Variants in TNC observed in about 807,000 individuals in gnomAD.
TNC encodes tenascin C, also known as tenascin.
In TNC, 109 loss-of-function variants were observed where a neutral mutation model predicts 202.4. That is an observed-to-expected ratio of 0.54 (90% CI 0.46 to 0.63). The LOEUF (loss-of-function observed/expected upper bound fraction) is 0.63, where lower values mean the gene tolerates loss of function less well. TNC is among the 30% of genes least tolerant of loss of function. TNC has a pLI of 0.00. For synonymous variants in TNC, 1,007 were observed against 1,089.7 expected (o/e 0.92, Z 1.50); for missense variants, 2,756 against 2,833.3 (o/e 0.97, Z 0.62).
chr9:115,047,781 T>G (rs192056351), intron 16 of TNC, among the ~76,000 whole-genome samples: 1 of 152,328 alleles, frequency 6.6e-6, no homozygotes, highest in African/African-American at 2.4e-5. Flanking sequence ...TCTCTGATAT[T>G]AGTGATTACC....
intron 6 of TNC, among the ~76,000 whole-genome samples, chr9:115,079,226 C>T (rs1446367245): frequency 6.6e-6 from 1 of 150,666 alleles, no homozygotes. Flanking sequence ...TTCTTCTTCT[C>T]CTTTTTTTTT....
At chr9:115,107,123 T>C (rs1352322473) in intron 1 of TNC, among the ~76,000 whole-genome samples, 25 of 152,152 alleles carry the variant, frequency 1.6e-4, no homozygotes, top group Admixed American at 1.6e-3. Flanking sequence ...TATGATAATA[T>C]CCACCTTGTT....
At chr9:115,096,159 C>T (rs1433431122) in intron 1 of TNC, among the ~76,000 whole-genome samples, 1 of 152,076 alleles carries the variant, frequency 6.6e-6, no homozygotes, top group Admixed American at 6.5e-5. Context: ...TATCTCCATC[C>T]CTGTCAATGT....
At position 115,063,004 on chromosome 9, in the gene TNC, G is replaced by A; in HGVS notation, c.3946C>T (p.Leu1316Phe). 6.2e-7 allele frequency: 1 copy of A among 1,614,110 alleles called. No individual in the cohort carries two copies. Among genetic ancestry groups the A allele is most frequent in the Middle Eastern group, 1.6e-4 (1 of 6,062 alleles). The change falls in exon 13 of 28, where the codon CTC (leucine) becomes TTC (phenylalanine). Residue 1316 changes from leucine to phenylalanine, a missense_variant. Leu to Phe is a conservative substitution (Grantham distance 22, BLOSUM62 0). Coordinates refer to ENST00000350763, the MANE Select transcript of TNC (RefSeq NM_002160.4). ...GSLRSMEIPG[L>F]RAGTPYTVTL... The stretch of plus-strand genomic sequence containing the variant: ...ACTGTGTAAGGAGTGCCAGCCCTGA[G>A]GCCTGGGATTTCCATGGAACGCAGG...
intron 1 of TNC, among the ~76,000 whole-genome samples, chr9:115,104,282 G>A (rs967339643): frequency 1.3e-5 from 2 of 152,180 alleles, no homozygotes; most frequent in African/African-American, 4.8e-5. Flanking sequence ...TTGAGCCAAG[G>A]TTAAGAAATG....
Position 115,081,785 on chromosome 9 carries a change from C to A in TNC, c.2391G>T (p.Arg797Ser). 2 of 1,613,848 alleles carry A rather than the reference C, an allele frequency of 1.2e-6. No homozygotes were observed. Among genetic ancestry groups the A allele is most frequent in the Admixed American group, 3.3e-5 (2 of 59,982 alleles). The change falls in exon 6 of 28, where the codon AGG (arginine) becomes AGT (serine). Residue 797 changes from arginine to serine, a missense_variant. Physicochemically the swap from Arg to Ser is moderately radical, Grantham distance 110. This residue lies in a region of TNC where 2,559 missense variants were observed against 2,546.0 expected (regional missense o/e 1.01). Coordinates refer to ENST00000350763, the MANE Select transcript of TNC (RefSeq NM_002160.4). ...KNNTRGPGLK[R>S]VTTTRLDAPS... is the part of the protein sequence containing the mutation. ...GGTGATACTCACGTGTGGTGGTCACCCTCTTCAGGCCAGGGCCCCGGGTAT... is the reference window on the plus strand; with the variant it reads ...GGTGATACTCACGTGTGGTGGTCACACTCTTCAGGCCAGGGCCCCGGGTAT...
At chr9:115,069,466 TGGA>T (rs1833194980) in intron 10 of TNC, among the ~76,000 whole-genome samples, 1 of 147,588 alleles carries the variant, frequency 6.8e-6, no homozygotes. Flanking sequence ...GAGAATAGAG[TGGA>T]GGAGAGGGAA....
intron 2 of TNC, among the ~76,000 whole-genome samples, chr9:115,089,518 C>T (rs946369259): frequency 6.7e-6 from 1 of 150,120 alleles, no homozygotes; most frequent in Non-Finnish European, 1.5e-5. Context: ...CTTTTTTTTT[C>T]GGATGGTGTT....
intron 1 of TNC, among the ~76,000 whole-genome samples, chr9:115,112,267 T>C (rs2134384194): frequency 6.6e-6 from 1 of 152,304 alleles, no homozygotes; most frequent in South Asian, 2.1e-4. Flanking sequence ...GAAAGATCTT[T>C]CCCTTCTCTA....
At chr9:115,076,259 C>T in intron 8 of TNC, 131 bp downstream of exon 8, 2 of 1,391,628 alleles carry the variant, frequency 1.4e-6, no homozygotes, top group East Asian at 2.3e-5. Flanking sequence ...CACTGCAATC[C>T]AATAAGCAGT....
At chr9:115,077,092 G>A (rs761536594) in intron 7 of TNC, among the ~76,000 whole-genome samples, 1 of 152,058 alleles carries the variant, frequency 6.6e-6, no homozygotes, top group African/African-American at 2.4e-5. Context: ...ACGGAGTCTC[G>A]CTCTTCACCC....
At chr9:115,056,688 A>G (rs1832151090) in intron 15 of TNC, among the ~76,000 whole-genome samples, 1 of 152,180 alleles carries the variant, frequency 6.6e-6, no homozygotes, top group Non-Finnish European at 1.5e-5. Flanking sequence ...GGAAAAAAAT[A>G]CCCAACACCA....
intron 6 of TNC, among the ~76,000 whole-genome samples, chr9:115,079,987 G>A (rs772108621): frequency 6.6e-6 from 1 of 152,184 alleles, no homozygotes; most frequent in Admixed American, 6.5e-5. Context: ...GTGGCCGGCC[G>A]TGGCGGCTCA....
In TNC at chr9:115,031,695, G is replaced by A. The variant is rs2131686840; in HGVS notation, c.5788-10C>T. 1.2e-6 allele frequency: 2 copies of A among 1,604,228 alleles called. No homozygotes were observed. Among genetic ancestry groups the A allele is most frequent in the South Asian group, 1.1e-5 (1 of 89,532 alleles). Reference sequence around the variant, plus strand: ...GACCCACAATGACTTCCTAAGAGCAGAAGAAAAAGTATAATGGCTTTTGGT... The same window carrying A: ...GACCCACAATGACTTCCTAAGAGCAAAAGAAAAAGTATAATGGCTTTTGGT... On this transcript the variant is annotated splice_polypyrimidine_tract_variant and intron_variant, in intron 22 of 27. Coordinates refer to ENST00000350763, the MANE Select transcript of TNC (RefSeq NM_002160.4).
rs1280072074 is a variant in TNC at position 115,081,807 on chromosome 9, G to A, written c.2369C>T (p.Thr790Ile). ...EISLHIVKNNTRGPGLKRVTT... is the reference protein window; with the variant it reads ...EISLHIVKNNIRGPGLKRVTT... The stretch of plus-strand genomic sequence containing the variant: ...CACCCTCTTCAGGCCAGGGCCCCGG[G>A]TATTGTTTTTCACTATGTGCAGAGA... Residue 790 changes from threonine (T) to isoleucine (I), a missense_variant, in exon 6 of 28, where the codon ACC becomes ATC. Around this residue, in one of 2 missense-constraint regions of TNC, gnomAD observed 2,559 missense variants for 2,546.0 expected, o/e 1.01. Transcript: ENST00000350763. The A allele has an allele frequency of 6.2e-7, 1 of 1,613,714 alleles. No individual in the cohort carries two copies.
chr9:115,054,877 C>G (rs1588076673), intron 15 of TNC, among the ~76,000 whole-genome samples: 1 of 152,152 alleles, frequency 6.6e-6, no homozygotes, highest in South Asian at 2.1e-4. Flanking sequence ...CAGTGGGTGA[C>G]AAAATGTGCT....
chr9:115,085,749 C>T (rs1246760814), intron 3 of TNC, 115 bp downstream of exon 3: 12 of 1,012,576 alleles, frequency 1.2e-5, no homozygotes, highest in Admixed American at 5.7e-5. Context: ...TATATTAATA[C>T]GTACAAAGAA....
rs73553201 is a variant in TNC at position 115,087,471 on chromosome 9, T to C, written c.458-198A>G. On this transcript the variant is annotated intron_variant, in intron 2 of 27. Coordinates refer to ENST00000350763, the MANE Select transcript of TNC (RefSeq NM_002160.4). ...TTATACCAGGTAGGAATTCATAACC[T>C]GAATTCCCTGAAATTATAGGCTTGT... Among the ~76,000 whole-genome samples the C allele has an allele frequency of 0.031, 4,779 of 152,010 alleles. 274 individuals are homozygous for C. The highest frequency in any genetic ancestry group is 0.11 in the African/African-American group (4,561 of 41,402).
intron 6 of TNC, 38 bp from the exon 7 acceptor site, chr9:115,078,250 G>A: frequency 6.4e-7 from 1 of 1,570,392 alleles, no homozygotes; most frequent in Non-Finnish European, 8.7e-7. Flanking sequence ...TCAGAGGTTA[G>A]GGCCATTGCC....
Sources: allele counts gnomAD v4.1 joint callset (sites outside exome capture counted in the v4.1 genomes callset), GRCh38; gene constraint gnomAD v4.1.1; regional missense constraint gnomAD v4.1.1; transcripts MANE v1.5; gene names NCBI Gene and HGNC (gene_info 2026-07-23, HGNC 2026-07-21).